Variants in TTC7B observed in about 807,000 individuals in gnomAD.
The protein encoded by TTC7B is tetratricopeptide repeat domain 7B, also known as tetratricopeptide repeat protein 7B.
Under a neutral mutation model 106.8 loss-of-function variants are expected in TTC7B, and 28 were observed. The ratio of observed to expected loss-of-function variants is 0.26; its 90% CI spans 0.19 to 0.36. TTC7B has a LOEUF of 0.36. Among genes scored for constraint, TTC7B ranks in the 10% least tolerant of loss-of-function variants. TTC7B has a pLI of 1.00. For missense variants in TTC7B, 862 were observed against 1,076.4 expected, an observed-to-expected ratio of 0.80 and a Z score of 2.79; for synonymous variants, 405 against 430.6, an observed-to-expected ratio of 0.94 and a Z score of 0.74.
At chr14:90,573,026 C>T (rs962994113) in intron 19 of TTC7B, among the ~76,000 whole-genome samples, 1 of 152,166 alleles carries the variant, frequency 6.6e-6, no homozygotes, top group African/African-American at 2.4e-5. Flanking sequence ...TTTATCACTA[C>T]TTCCTTGGGG....
chr14:90,601,106 G>C (rs917363134), intron 17 of TTC7B, among the ~76,000 whole-genome samples: 3 of 152,160 alleles, frequency 2.0e-5, no homozygotes, highest in Non-Finnish European at 4.4e-5. Flanking sequence ...TTTAAAGAAA[G>C]ATACTACAGA....
chr14:90,620,873 T>C (rs924445948), intron 15 of TTC7B, among the ~76,000 whole-genome samples: 1 of 152,182 alleles, frequency 6.6e-6, no homozygotes, highest in East Asian at 1.9e-4. Context: ...TGACTCAGGA[T>C]ATGGAATTGA....
chr14:90,700,850 T>C (rs1252823105), intron 5 of TTC7B, among the ~76,000 whole-genome samples: 1 of 151,306 alleles, frequency 6.6e-6, no homozygotes, highest in African/African-American at 2.4e-5. Flanking sequence ...GTATCATCTA[T>C]CTTGAAAAAG....
chr14:90,784,982 C>A (rs1891338315), intron 2 of TTC7B, among the ~76,000 whole-genome samples: 1 of 152,118 alleles, frequency 6.6e-6, no homozygotes, highest in Non-Finnish European at 1.5e-5. Context: ...TTGCCCAGGC[C>A]CTCCATTGCA....
At chr14:90,601,583 T>C (rs186902246) in intron 17 of TTC7B, among the ~76,000 whole-genome samples, 8 of 152,196 alleles carry the variant, frequency 5.3e-5, no homozygotes, top group Non-Finnish European at 1.2e-4. Flanking sequence ...TTTTAGCATG[T>C]TCTTGGAGAG....
In TTC7B at chr14:90,658,318, T is replaced by C. The variant is rs138805570; in HGVS notation, c.1222A>G (p.Met408Val). The C allele has an allele frequency of 1.4e-5, 22 of 1,613,810 alleles. No homozygotes were observed. The African/African-American group carries it at 1.9e-4, about 14-fold the overall frequency. The change falls in exon 10 of 20, where the codon ATG becomes GTG. Residue 408 changes from methionine to valine, a missense_variant. Physicochemically the swap from Met to Val is conservative, Grantham distance 21. Coordinates refer to ENST00000328459, the MANE Select transcript of TTC7B (RefSeq NM_001010854.2). ...AAGGGACTCACTTTTCCAGCAGCCA[T>C]CAGGGACAGAGCAAACTGGTACCAC... is the stretch of plus-strand genomic sequence containing the variant. ...HLWYQFALSL[M>V]AAGKSARAVK...
At chr14:90,722,851 C>T (rs1464892415) in intron 5 of TTC7B, among the ~76,000 whole-genome samples, 1 of 152,174 alleles carries the variant, frequency 6.6e-6, no homozygotes, top group African/African-American at 2.4e-5. Flanking sequence ...ATTTCCCTTC[C>T]ACCTCTGGCA....
At chr14:90,725,320 A>G (rs917690174) in intron 5 of TTC7B, among the ~76,000 whole-genome samples, 1 of 152,072 alleles carries the variant, frequency 6.6e-6, no homozygotes, top group African/African-American at 2.4e-5. Flanking sequence ...CCACAATCAC[A>G]TGGGATGTGG....
At chr14:90,784,721 C>T (rs141742365) in intron 2 of TTC7B, among the ~76,000 whole-genome samples, 1 of 152,214 alleles carries the variant, frequency 6.6e-6, no homozygotes, top group Non-Finnish European at 1.5e-5. Context: ...GTTTTTGAAG[C>T]CCAAATGCAG....
chr14:90,794,067 T>A (rs1201885046), intron 1 of TTC7B, among the ~76,000 whole-genome samples: 1 of 149,568 alleles, frequency 6.7e-6, no homozygotes, highest in African/African-American at 2.5e-5. Flanking sequence ...CATACCTGGC[T>A]AGTTTTTGTA....
rs1889303980 is a variant in TTC7B, at chr14:90,532,195, C to G, written c.*9173G>C. The G allele has an allele frequency of 6.6e-6, 1 of 152,106 alleles. No individual in the cohort carries two copies. The highest frequency in any genetic ancestry group is 2.4e-5 in the African/African-American group (1 of 41,412). 9.4% of individuals were successfully genotyped at this position (152,106 alleles called of 1,614,324 possible). On this transcript the variant is annotated 3_prime_UTR_variant, in exon 20 of 20. Coordinates refer to ENST00000328459, the MANE Select transcript of TTC7B (RefSeq NM_001010854.2). ...TAGAACAAAAACAAACAAATAAAAA[C>G]CAAAACTACATAAAACTATTTGTAA...
In TTC7B at chr14:90,539,027, T is replaced by A. The variant is rs915948751; in HGVS notation, c.*2341A>T. The stretch of plus-strand genomic sequence containing the variant: ...AGAGGCTTTTTTTCTAATGTTTTCA[T>A]AACAAAAGTCCCAGGGGTGCTTCTC... On this transcript the variant is annotated 3_prime_UTR_variant, in exon 20 of 20. Transcript: ENST00000328459. The A allele has an allele frequency of 1.3e-5, 2 of 152,162 alleles. No homozygotes were observed. Among genetic ancestry groups the A allele is most frequent in the African/African-American group, 4.8e-5 (2 of 41,432 alleles). 9.4% of individuals were successfully genotyped at this position (152,162 alleles called of 1,614,324 possible). A position where few individuals can be genotyped will look rare whatever the true frequency, so the allele number is the denominator to read the frequency against.
intron 17 of TTC7B, among the ~76,000 whole-genome samples, chr14:90,607,625 A>G (rs1179731281): frequency 6.6e-6 from 1 of 152,238 alleles, no homozygotes; most frequent in East Asian, 1.9e-4. Context: ...CTTTTAGCAC[A>G]TGAACTGAAA....
intron 9 of TTC7B, among the ~76,000 whole-genome samples, chr14:90,664,519 C>T (rs1448216336): frequency 2.0e-5 from 3 of 152,206 alleles, no homozygotes; most frequent in Non-Finnish European, 4.4e-5. Flanking sequence ...AATCCGCCCG[C>T]CTCGGCCTCC....
At chr14:90,756,558 T>C (rs1890309573) in intron 3 of TTC7B, among the ~76,000 whole-genome samples, 1 of 152,052 alleles carries the variant, frequency 6.6e-6, no homozygotes, top group African/African-American at 2.4e-5. Flanking sequence ...CACACCCAGC[T>C]AATTTTTTGT....
intron 19 of TTC7B, among the ~76,000 whole-genome samples, chr14:90,553,443 G>C (rs942643765): frequency 1.3e-5 from 2 of 152,232 alleles, no homozygotes; most frequent in Admixed American, 6.5e-5. Context: ...TCGGCTCTCC[G>C]ATGCACAGCC....
chr14:90,560,428 T>G (rs868792823), intron 19 of TTC7B, among the ~76,000 whole-genome samples: 1 of 152,200 alleles, frequency 6.6e-6, no homozygotes, highest in Non-Finnish European at 1.5e-5. Context: ...CAGGTGACAC[T>G]GGATGTCACA....
At chr14:90,736,097 G>A (rs1357425740) in intron 4 of TTC7B, among the ~76,000 whole-genome samples, 1 of 151,712 alleles carries the variant, frequency 6.6e-6, no homozygotes, top group Non-Finnish European at 1.5e-5. Context: ...TCTTAAAGTA[G>A]CACTGAAATT....
intron 19 of TTC7B, among the ~76,000 whole-genome samples, chr14:90,553,413 G>T (rs1378064663): frequency 2.0e-5 from 3 of 152,202 alleles, no homozygotes; most frequent in Admixed American, 6.5e-5. Context: ...ACTCCTCAGG[G>T]TTTGGGGGAT....
Sources: gnomAD v4.1 joint callset for allele counts (sites outside exome capture counted in the v4.1 genomes callset) on GRCh38, gnomAD v4.1.1 for gene constraint, MANE v1.5 for transcripts, NCBI Gene and HGNC (gene_info 2026-07-23, HGNC 2026-07-21) for gene names.